The following FNIP2 variants were observed in gnomAD, a reference collection of about 807,000 sequenced individuals.
FNIP2 encodes folliculin interacting protein 2.
In FNIP2, 32 loss-of-function variants were observed where a neutral mutation model predicts 108.7. The observed-to-expected ratio is 0.29, with a 90% confidence interval of 0.22 to 0.40. FNIP2 has a LOEUF of 0.40. Among genes scored for constraint, FNIP2 ranks in the 10% least tolerant of loss-of-function variants. The pLI, the probability that FNIP2 is intolerant of heterozygous loss-of-function variation, is 1.00. For missense variants in FNIP2, 1,202 were observed against 1,381.6 expected, an observed-to-expected ratio of 0.87 and a Z score of 2.06; for synonymous variants, 480 against 496.7, an observed-to-expected ratio of 0.97 and a Z score of 0.45.
chr4:158,819,287 G>A (rs184633757), intron 1 of FNIP2, among the ~76,000 whole-genome samples: 2 of 152,232 alleles, frequency 1.3e-5, no homozygotes, highest in Non-Finnish European at 1.5e-5. Flanking sequence ...AAGGAATAAA[G>A]GATTTACATA....
intron 1 of FNIP2, among the ~76,000 whole-genome samples, chr4:158,791,747 GC>G (rs1263997180): frequency 6.6e-6 from 1 of 152,174 alleles, no homozygotes; most frequent in Non-Finnish European, 1.5e-5. Flanking sequence ...TGTCAGTAAT[GC>G]CCTCTGTGTT....
chr4:158,813,408 T>G (rs1360203968), intron 1 of FNIP2, among the ~76,000 whole-genome samples: 1 of 152,234 alleles, frequency 6.6e-6, no homozygotes, highest in Non-Finnish European at 1.5e-5. Context: ...CTCTTGTTGT[T>G]TAAATTTCTG....
intron 1 of FNIP2, among the ~76,000 whole-genome samples, chr4:158,770,590 A>G (rs917866877): frequency 6.6e-6 from 1 of 152,136 alleles, no homozygotes; most frequent in African/African-American, 2.4e-5. Context: ...TGGAAGGCAT[A>G]TTGTGAGGAC....
At chr4:158,865,639 CTTT>C (rs1347635622) in intron 12 of FNIP2, among the ~76,000 whole-genome samples, 2 of 152,140 alleles carry the variant, frequency 1.3e-5, no homozygotes, top group Non-Finnish European at 2.9e-5. Context: ...AATGCTTCTT[CTTT>C]ATTAATATTG....
intron 1 of FNIP2, among the ~76,000 whole-genome samples, chr4:158,797,471 G>A (rs1486844720): frequency 3.3e-5 from 5 of 152,128 alleles, no homozygotes; most frequent in East Asian, 3.9e-4. Context: ...AGGCTGAGAC[G>A]GGCAGATTGC....
intron 14 of FNIP2, among the ~76,000 whole-genome samples, chr4:158,881,465 TCTCCCTCTCTTTCCACGGTCTCCC>T: frequency 6.7e-6 from 1 of 150,164 alleles, no homozygotes; most frequent in East Asian, 2.0e-4. Flanking sequence ...ACGGTCTCCC[TCTCCCTCTCTTTCCACGGTCTCCC>T]TCTGATGCTG....
rs536762026 is a variant in FNIP2 at position 158,777,023 on chromosome 4, T to C, written c.107+7704T>C. On this transcript the variant is annotated intron_variant, in intron 1 of 16. Coordinates refer to ENST00000264433, the MANE Select transcript of FNIP2 (RefSeq NM_020840.3). ...AGGGTAAAAGTGCTCTAACAGTTGA[T>C]TGACCTGCACCCCCACCTCCCTAAA... Among the ~76,000 whole-genome samples, 11 of 152,338 alleles carry C rather than the reference T, an allele frequency of 7.2e-5. No individual in the cohort carries two copies. In the South Asian group the frequency reaches 2.3e-3, roughly 32 times the overall value.
intron 1 of FNIP2, among the ~76,000 whole-genome samples, chr4:158,818,885 A>T (rs1003511055): frequency 3.3e-5 from 5 of 152,210 alleles, no homozygotes; most frequent in African/African-American, 1.2e-4. Flanking sequence ...AAGGCAGCAG[A>T]GCTAGAGTTA....
chr4:158,821,951 A>C (rs906990096), intron 1 of FNIP2, among the ~76,000 whole-genome samples: 3 of 152,110 alleles, frequency 2.0e-5, no homozygotes, highest in African/African-American at 7.2e-5. Context: ...TTAACCAGGC[A>C]TGGTGGCACA....
intron 1 of FNIP2, among the ~76,000 whole-genome samples, chr4:158,792,423 C>T (rs1353269367): frequency 3.3e-5 from 5 of 150,894 alleles, no homozygotes; most frequent in South Asian, 2.1e-4. Context: ...TTAGCCCCCA[C>T]GTATAGTGCT....
rs1204435740 is a variant in FNIP2 at position 158,797,807 on chromosome 4, A to G, written c.108-28109A>G. Among the ~76,000 whole-genome samples, 6 of 152,216 alleles carry G rather than the reference A, an allele frequency of 3.9e-5. No homozygotes were observed. The East Asian group carries it at 5.8e-4, about 15-fold the overall frequency. The stretch of plus-strand genomic sequence containing the variant: ...GCCATCTCTCCACTGGCATGAGTCA[A>G]GAGGGAGCCAGGAGTGCCACAGGCT... On this transcript the variant is annotated intron_variant, in intron 1 of 16. Transcript: ENST00000264433.
At chr4:158,846,903 C>G (rs994974145) in intron 7 of FNIP2, among the ~76,000 whole-genome samples, 15 of 152,132 alleles carry the variant, frequency 9.9e-5, no homozygotes, top group African/African-American at 3.1e-4. Context: ...GTAGGCGAGA[C>G]AGTCTTGAAT....
intron 1 of FNIP2, among the ~76,000 whole-genome samples, chr4:158,769,897 A>G (rs1485536190): frequency 1.3e-5 from 2 of 152,220 alleles, no homozygotes; most frequent in Non-Finnish European, 2.9e-5. Flanking sequence ...AGATGCAATT[A>G]TGAAATTTCC....
Position 158,891,513 on chromosome 4 carries a change from T to C in FNIP2, c.3017T>C (p.Val1006Ala). The C allele has an allele frequency of 6.2e-7, 1 of 1,610,204 alleles. No individual in the cohort carries two copies. The highest frequency in any genetic ancestry group is 8.5e-7 in the Non-Finnish European group (1 of 1,178,176). The change falls in exon 15 of 17, where the codon GTG (valine) becomes GCG (alanine). Residue 1006 changes from valine to alanine, a missense_variant. Val to Ala is a moderately conservative substitution (Grantham distance 64). Coordinates refer to ENST00000264433, the MANE Select transcript of FNIP2 (RefSeq NM_020840.3). ...CIIADTDKWSVQVATSQRKVT... is the reference protein window; with the variant it reads ...CIIADTDKWSAQVATSQRKVT... ...ATCGCAGACACGGATAAATGGAGTG[T>C]GCAGGTAGCTACAAGTCAGAGGAAA...
chr4:158,781,155 G>A (rs1040673147), intron 1 of FNIP2, among the ~76,000 whole-genome samples: 7 of 152,106 alleles, frequency 4.6e-5, no homozygotes, highest in African/African-American at 1.7e-4. Context: ...CAAAACAGTA[G>A]TTCAGGACCA....
In FNIP2 at chr4:158,825,916, T is replaced by C. The variant is rs751468063; in HGVS notation, c.108T>C (p.Ser36=). 3.8e-5 allele frequency: 61 copies of C among 1,605,356 alleles called. No individual in the cohort carries two copies. Among genetic ancestry groups the C allele is most frequent in the Non-Finnish European group, 5.1e-5 (60 of 1,173,090 alleles). Residue 36 remains serine (S), a splice_region_variant and synonymous_variant, in exon 2 of 17, where the codon AGT becomes AGC. Transcript: ENST00000264433. ...GRAPKEGPAF[S]WSCSEFDLNE... ...TTCTTTTGCCCTTTTTAATCCACAGTTGGTCATGTTCGGAGTTTGACCTGA... is the reference window on the plus strand; with the variant it reads ...TTCTTTTGCCCTTTTTAATCCACAGCTGGTCATGTTCGGAGTTTGACCTGA...
At chr4:158,770,121 G>T (rs1324828047) in intron 1 of FNIP2, among the ~76,000 whole-genome samples, 3 of 152,098 alleles carry the variant, frequency 2.0e-5, no homozygotes, top group Non-Finnish European at 4.4e-5. Context: ...GATAACTTAG[G>T]CGGCTTGCCC....
At chr4:158,894,462 A>G (rs939894962) in intron 15 of FNIP2, among the ~76,000 whole-genome samples, 1 of 152,128 alleles carries the variant, frequency 6.6e-6, no homozygotes, top group Non-Finnish European at 1.5e-5. Context: ...GTGAGCCACT[A>G]TGACTGGCTA....
chr4:158,886,774 G>A (rs1782046237), intron 14 of FNIP2, among the ~76,000 whole-genome samples: 1 of 152,154 alleles, frequency 6.6e-6, no homozygotes, highest in South Asian at 2.1e-4. Flanking sequence ...TAATATTAGT[G>A]TTTCTCTCAG....
Sources: gnomAD v4.1 joint callset for allele counts (sites outside exome capture counted in the v4.1 genomes callset) on GRCh38, gnomAD v4.1.1 for gene constraint, MANE v1.5 for transcripts, NCBI Gene and HGNC (gene_info 2026-07-23, HGNC 2026-07-21) for gene names.